PNPLA8: variants seen among roughly 807,000 people sequenced by gnomAD.
The protein encoded by PNPLA8 is calcium-independent phospholipase A2-gamma.
PNPLA8 carries 39 observed loss-of-function variants against 76.9 expected under a neutral mutation model. The ratio of observed to expected loss-of-function variants is 0.51; its 90% confidence interval spans 0.39 to 0.66. The LOEUF is 0.66. Among genes scored for constraint, PNPLA8 ranks in the 30% least tolerant of loss-of-function variants. The pLI, the probability that PNPLA8 is intolerant of heterozygous loss-of-function variation, is 0.00. For missense variants in PNPLA8, 887 were observed against 918.0 expected (o/e 0.97, Z 0.44); for synonymous variants, 301 against 307.9 (o/e 0.98, Z 0.24).
At chr7:108,518,547 T>C (rs1424550797) in intron 2 of PNPLA8, among the ~76,000 whole-genome samples, 1 of 152,004 alleles carries the variant, frequency 6.6e-6, no homozygotes, top group Non-Finnish European at 1.5e-5. Context: ...ATAATAACTG[T>C]ACCACTCTGG....
chr7:108,505,788 T>A lies in PNPLA8; in HGVS notation c.1207-3146A>T, dbSNP rs184241052. On this transcript the variant is annotated intron_variant, in intron 4 of 10. Coordinates refer to ENST00000257694, the MANE Select transcript of PNPLA8 (RefSeq NM_001256007.3). ...ATCTGTTCATCAAAAAACACAAGAG[T>A]GAGAAGGTCAGCCACGGAATAGGAG... Among the ~76,000 whole-genome samples the A allele has an allele frequency of 9.7e-4, 148 of 151,928 alleles. 1 individual carries two copies. The highest frequency in any genetic ancestry group is 2.9e-3 in the Admixed American group (45 of 15,270).
rs762125662 is a variant in PNPLA8 at position 108,515,319 on chromosome 7, T to C, written c.173A>G (p.Lys58Arg). Reference sequence around the variant, plus strand: ...AGAATGTGCTTCACTTTTGGTCCATTTACATCTTATTATGTTTGTATGAAA... The same window carrying C: ...AGAATGTGCTTCACTTTTGGTCCATCTACATCTTATTATGTTTGTATGAAA... The part of the protein sequence containing the change: ...RGFHTNIIRC[K>R]WTKSEAHSCS... Residue 58 changes from lysine to arginine, a missense_variant, in exon 3 of 11, where the codon AAA becomes AGA. Coordinates refer to ENST00000257694, the MANE Select transcript of PNPLA8 (RefSeq NM_001256007.3). The C allele has an allele frequency of 3.1e-6, 5 of 1,613,262 alleles. No individual in the cohort carries two copies. The Admixed American group carries it at 8.4e-5, about 27-fold the overall frequency.
At chr7:108,493,331 G>A (rs1371697113) in intron 7 of PNPLA8, among the ~76,000 whole-genome samples, 1 of 151,992 alleles carries the variant, frequency 6.6e-6, no homozygotes, top group African/African-American at 2.4e-5. Context: ...AGAGAAGCTG[G>A]TTTTAGAATA....
chr7:108,503,922 T>A (rs1363585112), intron 4 of PNPLA8, among the ~76,000 whole-genome samples: 1 of 152,194 alleles, frequency 6.6e-6, no homozygotes, highest in Non-Finnish European at 1.5e-5. Flanking sequence ...TCAAGACATT[T>A]GCTGAATTCT....
chr7:108,490,508 G>A (rs1283784572), intron 8 of PNPLA8, among the ~76,000 whole-genome samples: 1 of 152,218 alleles, frequency 6.6e-6, no homozygotes. Context: ...AGAAGGCTGG[G>A]CGCGGTGGCT....
intron 10 of PNPLA8, among the ~76,000 whole-genome samples, chr7:108,473,077 CACA>C (rs777584957): frequency 5.5e-4 from 83 of 152,250 alleles, no homozygotes; most frequent in Middle Eastern, 3.4e-3. Flanking sequence ...CTTGTGTAAG[CACA>C]ACAATAATCA....
At chr7:108,506,960 A>G (rs528848484) in intron 4 of PNPLA8, among the ~76,000 whole-genome samples, 4 of 152,300 alleles carry the variant, frequency 2.6e-5, no homozygotes, top group African/African-American at 9.6e-5. Flanking sequence ...TTTTATAAAA[A>G]GTTTTTTAAT....
At chr7:108,480,596 C>T in intron 9 of PNPLA8, 1 of 232,706 alleles carries the variant, frequency 4.3e-6, no homozygotes. Flanking sequence ...ACTATCACTG[C>T]TGAGAATTGT....
At chr7:108,519,506 A>G (rs1222713959) in intron 2 of PNPLA8, among the ~76,000 whole-genome samples, 1 of 152,216 alleles carries the variant, frequency 6.6e-6, no homozygotes, top group African/African-American at 2.4e-5. Flanking sequence ...GATGATGCCA[A>G]GAAAGATGGA....
At chr7:108,491,532 A>C in intron 7 of PNPLA8, 65 bp from the exon 8 acceptor site, 1 of 980,084 alleles carries the variant, frequency 1.0e-6, no homozygotes, top group Non-Finnish European at 1.6e-6. Context: ...ACCAGGAAAC[A>C]TACAGTATGC....
rs573125927 is a variant in PNPLA8 at position 108,524,814 on chromosome 7, A to G, written c.-130+1215T>C. ...AGAGAGAGACTCCCAACAACAACAA[A>G]AAATGGCAGGACAGGAAGGTGTCTA... On this transcript the variant is annotated intron_variant, in intron 1 of 10. Coordinates refer to ENST00000257694, the MANE Select transcript of PNPLA8 (RefSeq NM_001256007.3). Among the ~76,000 whole-genome samples the G allele has an allele frequency of 3.9e-5, 6 of 152,296 alleles. No individual in the cohort carries two copies. The South Asian group carries it at 1.2e-3, about 32-fold the overall frequency.
chr7:108,507,339 C>T (rs1160469466), intron 4 of PNPLA8, among the ~76,000 whole-genome samples: 1 of 60,060 alleles, frequency 1.7e-5, no homozygotes, highest in Admixed American at 2.3e-4. Flanking sequence ...AAGACTCTGT[C>T]TCAAAAAAAA....
At chr7:108,522,631 G>A (rs1051447665) in intron 1 of PNPLA8, among the ~76,000 whole-genome samples, 1 of 152,114 alleles carries the variant, frequency 6.6e-6, no homozygotes, top group Non-Finnish European at 1.5e-5. Flanking sequence ...GCTGTGTCAC[G>A]GGTGCGTCCT....
chr7:108,527,667 A>G (rs2154517449), upstream of PNPLA8: 1 of 152,314 alleles, frequency 6.6e-6, no homozygotes, highest in Non-Finnish European at 1.5e-5. Context: ...GAAAATTACT[A>G]AGAAGTGATA....
intron 10 of PNPLA8, among the ~76,000 whole-genome samples, chr7:108,473,584 T>C (rs1859773273): frequency 6.6e-6 from 1 of 152,220 alleles, no homozygotes; most frequent in Admixed American, 6.5e-5. Flanking sequence ...AGTCTTAAGT[T>C]TTGCATTATA....
At chr7:108,474,627 G>C (rs1859854610) in intron 10 of PNPLA8, among the ~76,000 whole-genome samples, 1 of 152,186 alleles carries the variant, frequency 6.6e-6, no homozygotes. Context: ...GGTGCAAAGG[G>C]TCAAGGTCAA....
At chr7:108,525,733 G>A (rs184802200) in intron 1 of PNPLA8, among the ~76,000 whole-genome samples, 23 of 152,370 alleles carry the variant, frequency 1.5e-4, no homozygotes, top group African/African-American at 5.0e-4. Context: ...GAAAATTGAG[G>A]AGGGAGTCGT....
rs779259090 is a variant in PNPLA8 at position 108,502,480 on chromosome 7, C to T, written c.1358+11G>A. ...AAAAAAAAAAAAAAAGAATCATGTT[C>T]CTAGCCTTACCTTGTTCCTCCACCA... On this transcript the variant is annotated intron_variant, in intron 5 of 10. Coordinates refer to ENST00000257694, the MANE Select transcript of PNPLA8 (RefSeq NM_001256007.3). 2.9e-5 allele frequency: 27 copies of T among 938,226 alleles called. No homozygotes were observed. The East Asian group carries it at 6.8e-4, about 24-fold the overall frequency. The allele number at this position is 938,226 out of a possible 1,614,324, so 58.1% of individuals were successfully genotyped here.
chr7:108,478,967 T>C (rs1294894241), intron 10 of PNPLA8, among the ~76,000 whole-genome samples: 1 of 152,206 alleles, frequency 6.6e-6, no homozygotes, highest in Non-Finnish European at 1.5e-5. Flanking sequence ...TGGGCAAAGG[T>C]AGCACTATCT....
Sources: allele counts gnomAD v4.1 joint callset (sites outside exome capture counted in the v4.1 genomes callset), GRCh38; gene constraint gnomAD v4.1.1; transcripts MANE v1.5; gene names NCBI Gene and HGNC (gene_info 2026-07-23, HGNC 2026-07-21).